CNBD1: variants seen among roughly 807,000 people sequenced by gnomAD.
CNBD1 encodes cyclic nucleotide-binding domain-containing protein 1.
In CNBD1, 71 loss-of-function variants were observed where a neutral mutation model predicts 54.4. The observed-to-expected ratio is 1.30, with a 90% CI of 1.08 to 1.59. The LOEUF (loss-of-function observed/expected upper bound fraction) is 1.59, where lower values mean the gene tolerates loss of function less well. CNBD1 is among the 40% of genes most tolerant of loss of function. The pLI is 0.00. For synonymous variants in CNBD1, 182 were observed against 170.7 expected (o/e 1.07, Z -0.51); for missense variants, 659 against 518.0 (o/e 1.27, Z -2.64).
At chr8:87,368,084 C>G (rs1236636624) in intron 10 of CNBD1, among the ~76,000 whole-genome samples, 1 of 151,870 alleles carries the variant, frequency 6.6e-6, no homozygotes, top group Non-Finnish European at 1.5e-5. Flanking sequence ...ATTGCTTGAA[C>G]CCAGGAGGTG....
intron 4 of CNBD1, among the ~76,000 whole-genome samples, chr8:87,180,301 T>C (rs1586311324): frequency 6.6e-6 from 1 of 152,200 alleles, no homozygotes; most frequent in Admixed American, 6.5e-5. Context: ...TATAAACATA[T>C]TTTCCATGTA....
At position 86,888,399 on chromosome 8, in the gene CNBD1, A is replaced by T. The variant is rs115757346; in HGVS notation, c.158+788A>T. Among the ~76,000 whole-genome samples the T allele has an allele frequency of 7.7e-3, 1,169 of 152,148 alleles. 13 individuals carry two copies. The highest frequency in any genetic ancestry group is 0.026 in the African/African-American group (1,086 of 41,532). On this transcript the variant is annotated intron_variant, in intron 2 of 10. Transcript: ENST00000518476. ...CTGTGCATTGCTGCCTCCTCCTTGC[A>T]CCCAGTGCCTTTCGACATGGAGTAA...
chr8:87,233,443 G>A (rs1005281893), intron 5 of CNBD1, among the ~76,000 whole-genome samples: 1 of 152,132 alleles, frequency 6.6e-6, no homozygotes, highest in Non-Finnish European at 1.5e-5. Context: ...AGTCTATTAA[G>A]CAGTGATTGC....
At chr8:87,281,598 AT>A (rs1808603750) in intron 6 of CNBD1, among the ~76,000 whole-genome samples, 1 of 82,802 alleles carries the variant, frequency 1.2e-5, no homozygotes, top group South Asian at 3.9e-4. Flanking sequence ...ATATATATAT[AT>A]ATAACTAATT....
At chr8:87,084,077 T>G (rs1811051820) in intron 4 of CNBD1, among the ~76,000 whole-genome samples, 1 of 152,228 alleles carries the variant, frequency 6.6e-6, no homozygotes, top group South Asian at 2.1e-4. Context: ...TTTGATTCTT[T>G]TCATTGACAT....
At chr8:87,413,125 G>T (rs1189701460) in intron 2 of CNBD1, among the ~76,000 whole-genome samples, 1 of 152,032 alleles carries the variant, frequency 6.6e-6, no homozygotes, top group Admixed American at 6.6e-5. Context: ...GAGACCATGT[G>T]AGGAGATATG....
At chr8:87,268,780 G>T (rs562954644) in intron 6 of CNBD1, among the ~76,000 whole-genome samples, 1 of 151,796 alleles carries the variant, frequency 6.6e-6, no homozygotes, top group African/African-American at 2.4e-5. Context: ...TGGGGTTTTT[G>T]CATGTTGAAT....
rs143092710 is a variant in CNBD1, at chr8:87,229,785, T to TA, written c.578-7125dup. On this transcript the variant is annotated intron_variant, in intron 5 of 10. Transcript: ENST00000518476. ...CTCACTCTGCATATATGTCTGAAAT[T>TA]AAAAAAAAACTTTTATTTTCAAATT... Among the ~76,000 whole-genome samples the TA allele has an allele frequency of 8.2e-4, 124 of 151,730 alleles. No individual in the cohort carries two copies. In the Middle Eastern group the frequency reaches 0.014, roughly 17 times the overall value.
chr8:87,063,313 G>A (rs1385939675), intron 4 of CNBD1, among the ~76,000 whole-genome samples: 1 of 152,150 alleles, frequency 6.6e-6, no homozygotes, highest in Admixed American at 6.5e-5. Context: ...AGCATTATAA[G>A]AATTGGAACA....
rs1320677865 is a variant in CNBD1 at position 87,182,395 on chromosome 8, T to A, written c.432-23598T>A. On this transcript the variant is annotated intron_variant, in intron 4 of 10. Coordinates refer to ENST00000518476, the MANE Select transcript of CNBD1 (RefSeq NM_173538.3). This position sits in a 1 kb window ranked among gnomAD's most constrained non-coding sequence, Gnocchi z 4.1. ...TTTATGGTAGAATTATTTATATTCC[T>A]TTGGGTATATATCTAATAATGGAAT... Among the ~76,000 whole-genome samples, 2 of 152,222 alleles carry A rather than the reference T, an allele frequency of 1.3e-5. No homozygotes were observed. The highest frequency in any genetic ancestry group is 2.9e-5 in the Non-Finnish European group (2 of 68,030).
chr8:87,256,011 A>T (rs1398706134), intron 6 of CNBD1, among the ~76,000 whole-genome samples: 329 of 19,164 alleles, frequency 0.017, 18 homozygotes, highest in African/African-American at 0.029. Context: ...ATATATATAT[A>T]TATATTTTTT....
At chr8:87,189,406 G>T (rs1049227699) in intron 4 of CNBD1, among the ~76,000 whole-genome samples, 1 of 152,034 alleles carries the variant, frequency 6.6e-6, no homozygotes, top group Non-Finnish European at 1.5e-5. Context: ...TGTGCAGTTG[G>T]CAGACAAGCC....
intron 8 of CNBD1, among the ~76,000 whole-genome samples, chr8:87,293,935 T>C (rs537564885): frequency 9.8e-5 from 15 of 152,316 alleles, no homozygotes; most frequent in East Asian, 7.7e-4. Context: ...TTCATGAACA[T>C]TGGGAGATCA....
chr8:86,940,048 A>T (rs987975788), intron 4 of CNBD1, among the ~76,000 whole-genome samples: 1 of 150,990 alleles, frequency 6.6e-6, no homozygotes, highest in African/African-American at 2.4e-5. Flanking sequence ...TCTGTTAAAG[A>T]TGTCCTTAGC....
intron 3 of CNBD1, among the ~76,000 whole-genome samples, chr8:86,908,193 A>T (rs1001996071): frequency 2.6e-5 from 4 of 152,228 alleles, no homozygotes; most frequent in African/African-American, 9.6e-5. Flanking sequence ...CCTGGCTGAG[A>T]CGTTGAGAAA....
intron 6 of CNBD1, among the ~76,000 whole-genome samples, chr8:87,269,902 A>G (rs1429317689): frequency 6.6e-6 from 1 of 152,030 alleles, no homozygotes; most frequent in East Asian, 1.9e-4. Flanking sequence ...GAACTTCCTG[A>G]TTGTATGAAG....
intron 4 of CNBD1, among the ~76,000 whole-genome samples, chr8:87,127,046 A>G (rs1297583617): frequency 6.6e-6 from 1 of 151,834 alleles, no homozygotes; most frequent in Admixed American, 6.6e-5. Context: ...CTTTACAACA[A>G]GACTACACTG....
At chr8:87,161,891 A>T (rs1454354539) in intron 4 of CNBD1, among the ~76,000 whole-genome samples, 1 of 152,176 alleles carries the variant, frequency 6.6e-6, no homozygotes. Flanking sequence ...CTAAAACACA[A>T]TCTTAGATTC....
intron 10 of CNBD1, among the ~76,000 whole-genome samples, chr8:87,357,822 A>G (rs1810450627): frequency 1.3e-5 from 2 of 152,152 alleles, no homozygotes; most frequent in Admixed American, 6.6e-5. Context: ...TGTCCCCTCC[A>G]AATCTCAGGT....
Sources: allele counts gnomAD v4.1 joint callset (sites outside exome capture counted in the v4.1 genomes callset), GRCh38; gene constraint gnomAD v4.1.1; non-coding constraint Gnocchi (gnomAD v3.1); transcripts MANE v1.5; gene names NCBI Gene and HGNC (gene_info 2026-07-23, HGNC 2026-07-21).